Variants in ATP8B4 observed in about 807,000 individuals in gnomAD.
ATP8B4 encodes the protein ATPase phospholipid transporting 8B4 (putative).
Under a neutral mutation model 145.6 loss-of-function variants are expected in ATP8B4, and 133 were observed. The ratio of observed to expected loss-of-function variants is 0.91; its 90% CI spans 0.79 to 1.05. The LOEUF is 1.05. Ranked by LOEUF, ATP8B4 falls within the 50% of genes least tolerant of loss-of-function variation. The pLI is 0.00. For synonymous variants in ATP8B4, 507 were observed against 492.9 expected (o/e 1.03, Z -0.38); for missense variants, 1,458 against 1,425.2 (o/e 1.02, Z -0.37).
At chr15:49,886,454 T>C (rs1335860804) in intron 23 of ATP8B4, among the ~76,000 whole-genome samples, 2 of 152,112 alleles carry the variant, frequency 1.3e-5, no homozygotes, top group Non-Finnish European at 2.9e-5. Flanking sequence ...AAGAGATGTG[T>C]TTAATGGGTA....
intron 8 of ATP8B4, among the ~76,000 whole-genome samples, chr15:49,997,315 T>C (rs1378000431): frequency 6.6e-6 from 1 of 152,102 alleles, no homozygotes; most frequent in Non-Finnish European, 1.5e-5. Context: ...GGCATCTTCT[T>C]ATAGGTGAGA....
At position 49,885,381 on chromosome 15, in the gene ATP8B4, G is replaced by T. The variant is rs562902913; in HGVS notation, c.2698-5922C>A. 4.6e-5 allele frequency among the ~76,000 whole-genome samples: 7 copies of T among 152,180 alleles called. No individual in the cohort carries two copies. The East Asian group carries it at 1.2e-3, about 25-fold the overall frequency. Reference sequence around the variant, plus strand: ...TACCAAGTTCTTTCTTAACAATTCTGATATTATCTTACTGATTTATGTCTT... The same window carrying T: ...TACCAAGTTCTTTCTTAACAATTCTTATATTATCTTACTGATTTATGTCTT... On this transcript the variant is annotated intron_variant, in intron 23 of 27. Transcript: ENST00000284509.
rs540587768 is a variant in ATP8B4 at position 49,915,398 on chromosome 15, G to A, written c.2141+1536C>T. Among the ~76,000 whole-genome samples the A allele has an allele frequency of 2.8e-3, 423 of 152,222 alleles. 4 individuals carry two copies. The highest frequency in any genetic ancestry group is 2.1e-3 in the Non-Finnish European group (142 of 67,978). ...GAATAAATTATAAAGTTCAACAGCA[G>A]AATATGGTGGGTATAGTTAGCAACC... On this transcript the variant is annotated intron_variant, in intron 20 of 27. Coordinates refer to ENST00000284509, the MANE Select transcript of ATP8B4 (RefSeq NM_024837.4).
intron 2 of ATP8B4, among the ~76,000 whole-genome samples, chr15:50,085,428 T>C (rs906408922): frequency 6.6e-6 from 1 of 152,144 alleles, no homozygotes; most frequent in African/African-American, 2.4e-5. Context: ...TTGTGTTTCC[T>C]GGAGTCTATT....
At chr15:49,869,615 C>A (rs1056995820) in intron 25 of ATP8B4, among the ~76,000 whole-genome samples, 6 of 152,176 alleles carry the variant, frequency 3.9e-5, no homozygotes, top group African/African-American at 1.4e-4. Flanking sequence ...TTGAAACACA[C>A]GGAAAACTTA....
chr15:50,148,775 T>C (rs924137204), intron 1 of ATP8B4, among the ~76,000 whole-genome samples: 2 of 152,190 alleles, frequency 1.3e-5, no homozygotes, highest in African/African-American at 4.8e-5. Context: ...GAATTCATAT[T>C]AGATAATAAT....
chr15:49,970,425 C>A (rs2044997964), intron 13 of ATP8B4, among the ~76,000 whole-genome samples: 1 of 152,176 alleles, frequency 6.6e-6, no homozygotes, highest in Non-Finnish European at 1.5e-5. Flanking sequence ...TCAGCAAAGT[C>A]TCAGGATACA....
In ATP8B4 at chr15:49,975,061, C is replaced by T. The variant is rs1438494938; in HGVS notation, c.1035-2271G>A. ...ACCCATTTATTTTTCCTGATAGAATCAATGTATCCATCTAAGTAAACATTT... is the reference window on the plus strand; with the variant it reads ...ACCCATTTATTTTTCCTGATAGAATTAATGTATCCATCTAAGTAAACATTT... On this transcript the variant is annotated intron_variant, in intron 12 of 27. Coordinates refer to ENST00000284509, the MANE Select transcript of ATP8B4 (RefSeq NM_024837.4). Among the ~76,000 whole-genome samples, 3 of 152,232 alleles carry T rather than the reference C, an allele frequency of 2.0e-5. No homozygotes were observed. The East Asian group carries it at 5.8e-4, about 29-fold the overall frequency.
At chr15:50,131,390 T>C (rs2044044269) in intron 1 of ATP8B4, among the ~76,000 whole-genome samples, 1 of 152,208 alleles carries the variant, frequency 6.6e-6, no homozygotes, top group Admixed American at 6.5e-5. Context: ...GTTAAAGAAC[T>C]TTCACAAAGC....
intron 13 of ATP8B4, among the ~76,000 whole-genome samples, chr15:49,968,037 G>A (rs8026888): frequency 0.53 from 79,934 of 151,770 alleles, 23,641 homozygotes; most frequent in African/African-American, 0.79. Flanking sequence ...CTTCATAAGT[G>A]AAGGAGAAAT....
chr15:50,178,894 T>C (rs753145193), intron 1 of ATP8B4, among the ~76,000 whole-genome samples: 14 of 152,196 alleles, frequency 9.2e-5, no homozygotes, highest in Non-Finnish European at 1.6e-4. Flanking sequence ...TTGTTCTTAC[T>C]AGAAAAATTA....
rs899003856 is a variant in ATP8B4, at chr15:50,153,450, T to G, written c.-43+28811A>C. Among the ~76,000 whole-genome samples, 3 of 152,042 alleles carry G rather than the reference T, an allele frequency of 2.0e-5. No homozygotes were observed. The East Asian group carries it at 5.8e-4, about 29-fold the overall frequency. ...GCCCCCCAGGTTCAAGCGATTCTCCTGCCTCCATCTCCTGAGTAGCGGGAA... is the reference window on the plus strand; with the variant it reads ...GCCCCCCAGGTTCAAGCGATTCTCCGGCCTCCATCTCCTGAGTAGCGGGAA... On this transcript the variant is annotated intron_variant, in intron 1 of 3. Transcript: ENST00000558829.
At chr15:49,974,080 T>C (rs1456020308) in intron 12 of ATP8B4, among the ~76,000 whole-genome samples, 1 of 133,554 alleles carries the variant, frequency 7.5e-6, no homozygotes, top group Non-Finnish European at 1.6e-5. Context: ...TTATCATTTG[T>C]CTTTTTTTTT....
intron 14 of ATP8B4, among the ~76,000 whole-genome samples, chr15:49,939,536 C>A (rs1031502032): frequency 6.6e-6 from 1 of 152,032 alleles, no homozygotes; most frequent in Non-Finnish European, 1.5e-5. Context: ...CACACAATAT[C>A]CCAAGATTGA....
At chr15:50,038,741 G>T (rs1379091902) in intron 6 of ATP8B4, 27 bp downstream of exon 6, 2 of 1,590,914 alleles carry the variant, frequency 1.3e-6, no homozygotes. Context: ...GAAATTTTCA[G>T]AATAACCCAC....
chr15:49,864,666 G>A (rs1350974047), intron 26 of ATP8B4, among the ~76,000 whole-genome samples: 1 of 152,064 alleles, frequency 6.6e-6, no homozygotes, highest in East Asian at 1.9e-4. Context: ...TTTTTTAAGG[G>A]ATTTTAGAGG....
intron 1 of ATP8B4, among the ~76,000 whole-genome samples, chr15:50,171,044 C>T (rs1015922601): frequency 1.3e-5 from 2 of 152,174 alleles, no homozygotes; most frequent in Non-Finnish European, 2.9e-5. Flanking sequence ...AACACTAGAG[C>T]TCCCTAATTT....
chr15:50,169,029 C>T (rs2044632880), intron 1 of ATP8B4, among the ~76,000 whole-genome samples: 1 of 152,180 alleles, frequency 6.6e-6, no homozygotes, highest in Admixed American at 6.5e-5. Context: ...CAGCAAGACC[C>T]GCCCAAGGAG....
intron 16 of ATP8B4, among the ~76,000 whole-genome samples, chr15:49,924,167 C>A (rs1357644535): frequency 6.6e-6 from 1 of 152,018 alleles, no homozygotes; most frequent in Non-Finnish European, 1.5e-5. Flanking sequence ...GACTGACAGC[C>A]CTTCCTAGGC....
Sources: allele counts gnomAD v4.1 joint callset (sites outside exome capture counted in the v4.1 genomes callset), GRCh38; gene constraint gnomAD v4.1.1; transcripts MANE v1.5; gene names NCBI Gene and HGNC (gene_info 2026-07-23, HGNC 2026-07-21).